Variants in COL24A1 observed in about 807,000 individuals in gnomAD.
COL24A1 encodes collagen alpha-1(XXIV) chain.
COL24A1 carries 224 observed loss-of-function variants against 253.9 expected under a neutral mutation model. The observed-to-expected ratio is 0.88, with a 90% CI of 0.79 to 0.99. The LOEUF is 0.99. Among genes scored for constraint, COL24A1 ranks in the 50% least tolerant of loss-of-function variants. The pLI is 0.00. For synonymous variants in COL24A1, 685 were observed against 673.7 expected (o/e 1.02, Z -0.26); for missense variants, 2,131 against 2,068.5 (o/e 1.03, Z -0.59).
chr1:85,779,155 T>C (rs1488772118), intron 52 of COL24A1, among the ~76,000 whole-genome samples: 1 of 152,004 alleles, frequency 6.6e-6, no homozygotes, highest in Non-Finnish European at 1.5e-5. Flanking sequence ...TATAGGCATG[T>C]ACCACCACAC....
At chr1:86,012,371 C>T (rs1020697126) in intron 19 of COL24A1, among the ~76,000 whole-genome samples, 1 of 152,060 alleles carries the variant, frequency 6.6e-6, no homozygotes, top group Non-Finnish European at 1.5e-5. Context: ...GGGCAGATCA[C>T]GAGGTCAGGA....
intron 19 of COL24A1, among the ~76,000 whole-genome samples, chr1:86,008,565 TATA>T (rs1310710461): frequency 2.6e-5 from 4 of 152,228 alleles, no homozygotes; most frequent in African/African-American, 2.4e-5. Flanking sequence ...GAGGAATCAC[TATA>T]ATGTTTCCAC....
chr1:86,033,968 CATTTTTGCTGT>C lies in COL24A1; in HGVS notation c.1951-56_1951-46del, dbSNP rs754139977. On this transcript the variant is annotated intron_variant, in intron 12 of 59. Coordinates refer to ENST00000370571, the MANE Select transcript of COL24A1 (RefSeq NM_152890.7). Reference sequence around the variant, plus strand: ...AGAATGCCAACATATATAAATAATTCATTTTTGCTGTATTTTCTAACAAAGAATTTAGTAAT... The same window carrying C: ...AGAATGCCAACATATATAAATAATTCATTTTCTAACAAAGAATTTAGTAAT... 7.0e-6 allele frequency: 10 copies of C among 1,428,924 alleles called. No homozygotes were observed. The East Asian group carries it at 2.1e-4, about 29-fold the overall frequency. The allele number at this position is 1,428,924 out of a possible 1,614,324, so 88.5% of individuals were successfully genotyped here. A position where few individuals can be genotyped will look rare whatever the true frequency, so the allele number is the denominator to read the frequency against.
intron 43 of COL24A1, among the ~76,000 whole-genome samples, chr1:85,832,724 G>A (rs1675466269): frequency 6.6e-6 from 1 of 151,288 alleles, no homozygotes; most frequent in South Asian, 2.1e-4. Flanking sequence ...TTGGCTCTCT[G>A]TTTGTCTGTT....
chr1:85,799,900 T>C lies in COL24A1; in HGVS notation c.3952-13439A>G, dbSNP rs530344252. On this transcript the variant is annotated intron_variant, in intron 47 of 59. Coordinates refer to ENST00000370571, the MANE Select transcript of COL24A1 (RefSeq NM_152890.7). The stretch of plus-strand genomic sequence containing the variant: ...AGTTAATTGCTTGCTAACGGCAACA[T>C]TAGTTACCATTCAACTTCATGGCCC... 8.5e-5 allele frequency among the ~76,000 whole-genome samples: 13 copies of C among 152,334 alleles called. No homozygotes were observed. The South Asian group carries it at 2.7e-3, about 32-fold the overall frequency.
chr1:85,975,269 A>G (rs1334073782), intron 20 of COL24A1, among the ~76,000 whole-genome samples: 1 of 152,200 alleles, frequency 6.6e-6, no homozygotes, highest in Non-Finnish European at 1.5e-5. Flanking sequence ...GAGTATATAT[A>G]CCAAAGAAAG....
chr1:85,828,277 G>C (rs959799758), intron 43 of COL24A1, among the ~76,000 whole-genome samples: 24 of 47,454 alleles, frequency 5.1e-4, no homozygotes, highest in Admixed American at 2.1e-3. Flanking sequence ...TTGCACTGTG[G>C]TCTGAGAGAT....
chr1:86,105,667 A>G (rs2102082106), intron 5 of COL24A1, among the ~76,000 whole-genome samples: 1 of 152,240 alleles, frequency 6.6e-6, no homozygotes, highest in East Asian at 1.9e-4. Context: ...GCTCCACCAC[A>G]TATGCTCCTG....
intron 47 of COL24A1, among the ~76,000 whole-genome samples, chr1:85,815,858 A>G (rs574812584): frequency 3.9e-5 from 6 of 152,328 alleles, no homozygotes; most frequent in African/African-American, 1.4e-4. Context: ...AAATGTCTCA[A>G]TTAGGATGAC....
intron 24 of COL24A1, among the ~76,000 whole-genome samples, chr1:85,946,350 T>C (rs1251102150): frequency 1.3e-5 from 2 of 152,174 alleles, no homozygotes; most frequent in African/African-American, 2.4e-5. Flanking sequence ...GCTGATGCTC[T>C]GTATGCTTTC....
chr1:85,832,618 G>T (rs1326193519), intron 43 of COL24A1, among the ~76,000 whole-genome samples: 2 of 150,690 alleles, frequency 1.3e-5, no homozygotes, highest in Non-Finnish European at 1.5e-5. Flanking sequence ...GTGGTTTGTA[G>T]TTCTCCTTGA....
intron 14 of COL24A1, among the ~76,000 whole-genome samples, chr1:86,026,249 G>C (rs1211706498): frequency 2.6e-5 from 4 of 152,166 alleles, no homozygotes; most frequent in African/African-American, 9.7e-5. Flanking sequence ...ACTTTGAAAG[G>C]TAGAAAGGAC....
chr1:86,141,180 G>T (rs1012279938), intron 2 of COL24A1, among the ~76,000 whole-genome samples: 1 of 152,160 alleles, frequency 6.6e-6, no homozygotes, highest in Non-Finnish European at 1.5e-5. Context: ...GAACCTAAGG[G>T]CTTCAGAGGC....
intron 34 of COL24A1, 91 bp from the exon 35 acceptor site, chr1:85,874,793 G>C: frequency 7.1e-7 from 1 of 1,404,380 alleles, no homozygotes; most frequent in Non-Finnish European, 9.9e-7. Context: ...GTTCCCCAAC[G>C]CCTGGGCCGT....
chr1:85,796,696 T>C (rs139048669), intron 47 of COL24A1, among the ~76,000 whole-genome samples: 2 of 152,354 alleles, frequency 1.3e-5, no homozygotes, highest in East Asian at 1.9e-4. Flanking sequence ...TAACCATTTA[T>C]ATTTATTATT....
intron 46 of COL24A1, among the ~76,000 whole-genome samples, chr1:85,817,437 T>G (rs1673152678): frequency 6.6e-6 from 1 of 152,160 alleles, no homozygotes; most frequent in Non-Finnish European, 1.5e-5. Flanking sequence ...TAATTTACAT[T>G]CATTTTCTCT....
At chr1:85,865,817 G>T in intron 37 of COL24A1, among the ~76,000 whole-genome samples, 1 of 152,068 alleles carries the variant, frequency 6.6e-6, no homozygotes, top group Non-Finnish European at 1.5e-5. Context: ...CTTGGCATTT[G>T]TTACTTGGCT....
intron 43 of COL24A1, among the ~76,000 whole-genome samples, chr1:85,836,715 G>A (rs1254565628): frequency 6.6e-6 from 1 of 152,120 alleles, no homozygotes; most frequent in African/African-American, 2.4e-5. Flanking sequence ...GATCCCTAAA[G>A]CCTAAGGACT....
intron 8 of COL24A1, among the ~76,000 whole-genome samples, chr1:86,060,251 T>C (rs1418806127): frequency 6.6e-6 from 1 of 152,146 alleles, no homozygotes; most frequent in Admixed American, 6.6e-5. Context: ...CTCATCAGTT[T>C]ATTCAGAGTT....
Sources: allele counts gnomAD v4.1 joint callset (sites outside exome capture counted in the v4.1 genomes callset), GRCh38; gene constraint gnomAD v4.1.1; transcripts MANE v1.5; gene names NCBI Gene and HGNC (gene_info 2026-07-23, HGNC 2026-07-21).